MAF: variants seen among roughly 807,000 people sequenced by gnomAD.
MAF encodes MAF bZIP transcription factor.
MAF carries 10 observed loss-of-function variants against 22.0 expected under a neutral mutation model. That is an observed-to-expected ratio of 0.45 (90% confidence interval 0.28 to 0.77). MAF has a LOEUF of 0.77. Among genes scored for constraint, MAF ranks in the 30% least tolerant of loss-of-function variants. MAF has a pLI of 0.12. For synonymous variants in MAF, 337 were observed against 255.8 expected (o/e 1.32, Z -3.03); for missense variants, 544 against 548.4 (o/e 0.99, Z 0.08).
intron 1 of MAF, chr16:79,597,206 C>A: frequency 9.5e-7 from 1 of 1,052,894 alleles, no homozygotes; most frequent in Non-Finnish European, 1.1e-6. Flanking sequence ...AAAAAATCTA[C>A]AGCTAAACAG....
the MAF span, among the ~76,000 whole-genome samples, chr16:79,207,458 C>A: frequency 2.8e-4 from 42 of 152,354 alleles, 1 homozygote; most frequent in African/African-American, 9.6e-4. Flanking sequence ...CAAGCCTAAT[C>A]TAACTTCCAG....
At chr16:79,266,615 T>C in the MAF span, among the ~76,000 whole-genome samples, 3 of 152,234 alleles carry the variant, frequency 2.0e-5, no homozygotes, top group East Asian at 5.8e-4. Flanking sequence ...TGCTGCACTT[T>C]TATTACTTAT....
chr16:79,488,802 G>A, the MAF span, among the ~76,000 whole-genome samples: 1 of 152,102 alleles, frequency 6.6e-6, no homozygotes, highest in Non-Finnish European at 1.5e-5. Flanking sequence ...AACCTTCCGG[G>A]AGCATATCAT....
the MAF span, among the ~76,000 whole-genome samples, chr16:79,567,313 C>T: frequency 1.1e-3 from 147 of 137,514 alleles, 1 homozygote; most frequent in Non-Finnish European, 2.0e-3. Flanking sequence ...AGCAAGACTC[C>T]ACCTCAGAAA....
the MAF span, among the ~76,000 whole-genome samples, chr16:79,259,558 G>A: frequency 6.6e-6 from 1 of 152,142 alleles, no homozygotes; most frequent in Admixed American, 6.5e-5. Flanking sequence ...GAATATGCAG[G>A]GCACGTAGTA....
chr16:79,558,683 C>G, the MAF span, among the ~76,000 whole-genome samples: 3 of 152,108 alleles, frequency 2.0e-5, no homozygotes, highest in African/African-American at 7.2e-5. Context: ...GAGGATACAC[C>G]GTTGAGTGAT....
chr16:79,237,209 G>A, the MAF span, among the ~76,000 whole-genome samples: 3 of 152,004 alleles, frequency 2.0e-5, no homozygotes, highest in African/African-American at 4.8e-5. Flanking sequence ...GTTATGGCAC[G>A]CAGTTGGTGT....
At chr16:79,265,869 C>G in the MAF span, among the ~76,000 whole-genome samples, 2 of 152,306 alleles carry the variant, frequency 1.3e-5, no homozygotes, top group East Asian at 3.9e-4. Flanking sequence ...AACATGAGCA[C>G]TGTGATACGC....
chr16:79,556,658 C>G, the MAF span, among the ~76,000 whole-genome samples: 1 of 152,212 alleles, frequency 6.6e-6, no homozygotes, highest in African/African-American at 2.4e-5. Context: ...AAAAATGTCT[C>G]TCTCTTATTC....
chr16:79,270,900 G>GTT, the MAF span, among the ~76,000 whole-genome samples: 116,135 of 144,224 alleles, frequency 0.81, 46,938 homozygotes, highest in East Asian at 0.95. Flanking sequence ...CATGGCCAGA[G>GTT]TTTTTTTTTT....
the MAF span, among the ~76,000 whole-genome samples, chr16:79,565,522 T>G: frequency 6.6e-6 from 1 of 151,514 alleles, no homozygotes; most frequent in African/African-American, 2.4e-5. Context: ...GGGGGACCAG[T>G]TGGGAGGTGA....
chr16:79,406,004 G>A, the MAF span, among the ~76,000 whole-genome samples: 1 of 152,224 alleles, frequency 6.6e-6, no homozygotes, highest in African/African-American at 2.4e-5. Context: ...CAGGCCAGAA[G>A]CCACAGAGTA....
chr16:79,312,830 TAA>T, the MAF span, among the ~76,000 whole-genome samples: 3 of 152,294 alleles, frequency 2.0e-5, no homozygotes, highest in Non-Finnish European at 4.4e-5. Context: ...CGGCTACATA[TAA>T]GACAGGCACC....
the MAF span, among the ~76,000 whole-genome samples, chr16:79,484,284 G>A: frequency 3.9e-5 from 6 of 152,184 alleles, no homozygotes; most frequent in South Asian, 2.1e-4. Flanking sequence ...CGAGGCTGGC[G>A]TGACAAGGCT....
chr16:79,423,098 A>G, the MAF span, among the ~76,000 whole-genome samples: 1 of 152,186 alleles, frequency 6.6e-6, no homozygotes, highest in Admixed American at 6.5e-5. Flanking sequence ...TTGCCAAGTA[A>G]AATACAGGGC....
the MAF span, among the ~76,000 whole-genome samples, chr16:79,254,105 A>G: frequency 6.6e-6 from 1 of 152,112 alleles, no homozygotes. Context: ...GCACATTTAC[A>G]TTGTAAAAGT....
the MAF span, among the ~76,000 whole-genome samples, chr16:79,485,945 T>C: frequency 6.6e-6 from 1 of 152,218 alleles, no homozygotes; most frequent in Non-Finnish European, 1.5e-5. Context: ...TTTTAACTGA[T>C]GGAACTCTAT....
the MAF span, among the ~76,000 whole-genome samples, chr16:79,358,019 T>C: frequency 1.3e-5 from 2 of 152,168 alleles, no homozygotes; most frequent in African/African-American, 4.8e-5. Flanking sequence ...CCAACTTGTG[T>C]CCAGCACCAC....
chr16:79,322,731 G>A, the MAF span, among the ~76,000 whole-genome samples: 1 of 152,056 alleles, frequency 6.6e-6, no homozygotes, highest in Non-Finnish European at 1.5e-5. Context: ...GGACTTGAAG[G>A]TCGTGGCAGG....
Sources: allele counts gnomAD v4.1 joint callset (sites outside exome capture counted in the v4.1 genomes callset), GRCh38; gene constraint gnomAD v4.1.1; transcripts MANE v1.5; gene names NCBI Gene and HGNC (gene_info 2026-07-23, HGNC 2026-07-21).